The following CTNNA3 variants were observed in gnomAD, a reference collection of about 807,000 sequenced individuals.
CTNNA3 encodes catenin alpha-3.
Under a neutral mutation model 95.7 loss-of-function variants are expected in CTNNA3, and 76 were observed. The ratio of observed to expected loss-of-function variants is 0.79; its 90% CI spans 0.66 to 0.96. The LOEUF (loss-of-function observed/expected upper bound fraction) is 0.96. Ranked by LOEUF, CTNNA3 falls within the 40% of genes least tolerant of loss-of-function variation. The pLI, the probability that CTNNA3 is intolerant of heterozygous loss-of-function variation, is 0.00. For synonymous variants in CTNNA3, 431 were observed against 374.4 expected (o/e 1.15, Z -1.74); for missense variants, 1,191 against 1,089.8 (o/e 1.09, Z -1.31).
chr10:67,482,318 G>C (rs1335033499), intron 5 of CTNNA3, among the ~76,000 whole-genome samples: 1 of 152,082 alleles, frequency 6.6e-6, no homozygotes, highest in Non-Finnish European at 1.5e-5. Flanking sequence ...GGATGGCATT[G>C]AATCTATAAA....
intron 15 of CTNNA3, among the ~76,000 whole-genome samples, chr10:66,030,864 C>T (rs1032286977): frequency 1.3e-5 from 2 of 151,810 alleles, no homozygotes; most frequent in African/African-American, 4.8e-5. Context: ...GGAGAACAAC[C>T]CCATTAAAAT....
intron 7 of CTNNA3, among the ~76,000 whole-genome samples, chr10:67,033,797 G>T (rs944906421): frequency 6.6e-6 from 1 of 152,160 alleles, no homozygotes; most frequent in Non-Finnish European, 1.5e-5. Context: ...TTTGGACGAA[G>T]TCTCACTCTG....
intron 11 of CTNNA3, among the ~76,000 whole-genome samples, chr10:66,421,096 G>C (rs1036187733): frequency 6.6e-6 from 1 of 152,068 alleles, no homozygotes; most frequent in Non-Finnish European, 1.5e-5. Flanking sequence ...AAAAGAATGA[G>C]AGCCTGTCAT....
rs1225577686 is a variant in CTNNA3 at position 66,518,521 on chromosome 10, C to A, written c.1531+2096G>T. ...GTTGACTGAATTTACTTTGTGAAGTCTATATGAAGGAGATAGCAAATAGAC... is the reference window on the plus strand; with the variant it reads ...GTTGACTGAATTTACTTTGTGAAGTATATATGAAGGAGATAGCAAATAGAC... On this transcript the variant is annotated intron_variant, in intron 11 of 17. Transcript: ENST00000433211. 6.4e-4 allele frequency among the ~76,000 whole-genome samples: 97 copies of A among 151,996 alleles called. 4 individuals carry two copies. Among genetic ancestry groups the A allele is most frequent in the Non-Finnish European group, 2.9e-5 (2 of 68,004 alleles).
At chr10:66,951,913 A>G (rs537174450) in intron 7 of CTNNA3, among the ~76,000 whole-genome samples, 4 of 152,148 alleles carry the variant, frequency 2.6e-5, no homozygotes, top group African/African-American at 9.7e-5. Context: ...ATAACAGTGA[A>G]CCTTCATCTT....
At chr10:66,407,129 A>G (rs927221191) in intron 11 of CTNNA3, among the ~76,000 whole-genome samples, 4 of 151,920 alleles carry the variant, frequency 2.6e-5, no homozygotes, top group South Asian at 2.1e-4. Flanking sequence ...AAAACACCCA[A>G]TTAGCTTCGG....
chr10:67,550,852 G>A (rs1841003781), intron 3 of CTNNA3, among the ~76,000 whole-genome samples: 2 of 152,040 alleles, frequency 1.3e-5, no homozygotes, highest in Non-Finnish European at 2.9e-5. Flanking sequence ...GATTTATCAC[G>A]TCAAAATCAA....
At chr10:66,522,556 A>G (rs1841104716) in intron 10 of CTNNA3, among the ~76,000 whole-genome samples, 2 of 151,812 alleles carry the variant, frequency 1.3e-5, no homozygotes. Flanking sequence ...CCGCTACGTA[A>G]AGAAGGACAT....
chr10:65,971,132 C>T (rs1359159523), intron 16 of CTNNA3, among the ~76,000 whole-genome samples: 2 of 151,510 alleles, frequency 1.3e-5, no homozygotes, highest in African/African-American at 2.4e-5. Flanking sequence ...ATAGACACAA[C>T]ATATAAAAAT....
At chr10:66,815,276 G>C (rs998827042) in intron 7 of CTNNA3, among the ~76,000 whole-genome samples, 1 of 152,050 alleles carries the variant, frequency 6.6e-6, no homozygotes, top group African/African-American at 2.4e-5. Context: ...ATTTCAGTAA[G>C]AACAGCAAAT....
chr10:66,417,055 C>A (rs897378918), intron 11 of CTNNA3, among the ~76,000 whole-genome samples: 1 of 151,872 alleles, frequency 6.6e-6, no homozygotes, highest in East Asian at 1.9e-4. Flanking sequence ...TTACTTTGAA[C>A]ATAAATGGAT....
intron 2 of CTNNA3, among the ~76,000 whole-genome samples, chr10:67,617,585 T>C (rs1843694099): frequency 6.6e-6 from 1 of 152,200 alleles, no homozygotes; most frequent in Non-Finnish European, 1.5e-5. Context: ...TATGTCTTTA[T>C]GGTAGAATGA....
chr10:67,514,449 C>A (rs1026912987), intron 5 of CTNNA3, among the ~76,000 whole-genome samples: 4 of 152,146 alleles, frequency 2.6e-5, no homozygotes, highest in African/African-American at 9.7e-5. Context: ...AGATTACCTT[C>A]TTTTCATGCA....
chr10:66,020,545 A>G (rs187930499), intron 15 of CTNNA3, among the ~76,000 whole-genome samples: 1 of 152,308 alleles, frequency 6.6e-6, no homozygotes. Flanking sequence ...GGATTAATTT[A>G]TCTTACATTC....
At chr10:66,529,526 C>T (rs1841393477) in intron 10 of CTNNA3, among the ~76,000 whole-genome samples, 1 of 142,518 alleles carries the variant, frequency 7.0e-6, no homozygotes, top group African/African-American at 2.6e-5. Flanking sequence ...TATTTTTATT[C>T]TTTACAGAGA....
At chr10:66,146,633 T>G (rs1194852390) in intron 13 of CTNNA3, among the ~76,000 whole-genome samples, 1 of 152,158 alleles carries the variant, frequency 6.6e-6, no homozygotes, top group Non-Finnish European at 1.5e-5. Flanking sequence ...CTCAGGTCAC[T>G]GCAACCTCTG....
intron 7 of CTNNA3, among the ~76,000 whole-genome samples, chr10:66,984,277 G>T (rs1039112474): frequency 7.2e-5 from 11 of 152,194 alleles, no homozygotes; most frequent in African/African-American, 1.9e-4. Context: ...AAATCCAGAA[G>T]ATAGTTGATA....
intron 7 of CTNNA3, among the ~76,000 whole-genome samples, chr10:66,968,167 C>G (rs1190182187): frequency 2.6e-5 from 4 of 151,950 alleles, no homozygotes; most frequent in African/African-American, 7.3e-5. Context: ...TAGAATTACT[C>G]AAGAGCAAAA....
intron 12 of CTNNA3, among the ~76,000 whole-genome samples, chr10:66,318,310 G>A (rs1256392318): frequency 3.3e-5 from 5 of 151,524 alleles, no homozygotes; most frequent in African/African-American, 1.2e-4. Flanking sequence ...GTGTGTGTAT[G>A]TGTGCACGCG....
Sources: gnomAD v4.1 joint callset for allele counts (sites outside exome capture counted in the v4.1 genomes callset) on GRCh38, gnomAD v4.1.1 for gene constraint, MANE v1.5 for transcripts, NCBI Gene and HGNC (gene_info 2026-07-23, HGNC 2026-07-21) for gene names.